NTRK3: variants seen among roughly 807,000 people sequenced by gnomAD.
NTRK3 encodes the protein NT-3 growth factor receptor.
In NTRK3, 24 loss-of-function variants were observed where a neutral mutation model predicts 91.7. That is an observed-to-expected ratio of 0.26 (90% CI 0.19 to 0.37). NTRK3 has a LOEUF of 0.37. NTRK3 is among the 10% of genes least tolerant of loss of function. The pLI is 1.00. For missense variants in NTRK3, 880 were observed against 1,068.9 expected, an observed-to-expected ratio of 0.82 and a Z score of 2.46; for synonymous variants, 483 against 404.0, an observed-to-expected ratio of 1.20 and a Z score of -2.34.
intron 14 of NTRK3, among the ~76,000 whole-genome samples, chr15:87,974,530 T>C (rs931688757): frequency 1.3e-5 from 2 of 151,610 alleles, no homozygotes; most frequent in Non-Finnish European, 2.9e-5. Flanking sequence ...TCTACCACCT[T>C]CCTATCTGAA....
chr15:87,950,307 C>T (rs959048890), intron 14 of NTRK3, among the ~76,000 whole-genome samples: 1 of 152,202 alleles, frequency 6.6e-6, no homozygotes. Context: ...ACCAGAGGAT[C>T]CCAGTCACCC....
rs188726584 is a variant in NTRK3, at chr15:88,152,385, T to C, written c.396-4982A>G. On this transcript the variant is annotated intron_variant, in intron 5 of 18. Coordinates refer to ENST00000394480, the Ensembl canonical transcript of NTRK3. ...GGAGATGGGATTTTTAAAGACCTAA[T>C]TAAAGTTAAGTAAGGACATATGGGT... Among the ~76,000 whole-genome samples the C allele has an allele frequency of 2.8e-3, 431 of 152,290 alleles. 1 individual carries two copies. The highest frequency in any genetic ancestry group is 9.8e-3 in the African/African-American group (408 of 41,536).
intron 10 of NTRK3, among the ~76,000 whole-genome samples, chr15:88,130,901 TAAC>T (rs74787503): frequency 0.07 from 10,586 of 152,280 alleles, 459 homozygotes; most frequent in Admixed American, 0.1. Flanking sequence ...GGACCAATGT[TAAC>T]AACCTGGTTT....
intron 17 of NTRK3, among the ~76,000 whole-genome samples, chr15:87,897,424 T>G (rs1459452672): frequency 6.6e-6 from 1 of 152,216 alleles, no homozygotes; most frequent in African/African-American, 2.4e-5. Flanking sequence ...AATTTGGCCC[T>G]TATTTCCTTT....
intron 6 of NTRK3, among the ~76,000 whole-genome samples, chr15:88,142,886 T>C (rs2042523986): frequency 6.6e-6 from 1 of 152,116 alleles, no homozygotes; most frequent in South Asian, 2.1e-4. Context: ...TCACTCTCGA[T>C]TTCAGGTGGG....
intron 5 of NTRK3, among the ~76,000 whole-genome samples, chr15:88,165,856 A>AGT (rs61276149): frequency 0.032 from 4,781 of 150,540 alleles, 228 homozygotes; most frequent in African/African-American, 0.11. Flanking sequence ...TGTTCACCTG[A>AGT]GTGTGTGTGT....
At chr15:88,166,179 T>C (rs2044923240) in intron 5 of NTRK3, among the ~76,000 whole-genome samples, 1 of 152,158 alleles carries the variant, frequency 6.6e-6, no homozygotes, top group African/African-American at 2.4e-5. Flanking sequence ...CAGGATCCTT[T>C]GGAATCCTAC....
Position 88,012,553 on chromosome 15 carries a change from C to A in NTRK3, c.1585+20304G>T, listed in dbSNP as rs577338525. The stretch of plus-strand genomic sequence containing the variant: ...ATATCACTGTCACAAAAAAGTATTT[C>A]TATATGTTCATACCAAAACAACCAC... On this transcript the variant is annotated intron_variant, in intron 14 of 18. Transcript: ENST00000394480. Among the ~76,000 whole-genome samples, 63 of 152,328 alleles carry A rather than the reference C, an allele frequency of 4.1e-4. No individual in the cohort carries two copies. The South Asian group carries it at 0.013, about 31-fold the overall frequency.
At chr15:88,033,217 A>ATATATATATATATAT (rs2078753442) in intron 13 of NTRK3, among the ~76,000 whole-genome samples, 172 bp from the exon 14 acceptor site, 8 of 49,684 alleles carry the variant, frequency 1.6e-4, no homozygotes, top group African/African-American at 7.0e-4. Context: ...TATATATATA[A>ATATATATATATATAT]ATTCAGTTGT....
chr15:88,000,553 T>C (rs949743922), intron 14 of NTRK3, among the ~76,000 whole-genome samples: 3 of 152,168 alleles, frequency 2.0e-5, no homozygotes, highest in Non-Finnish European at 2.9e-5. Context: ...ACTAATCTAC[T>C]TGCTGGTATT....
rs1293877876 is a variant in NTRK3 at position 88,098,678 on chromosome 15, A to T, written c.1396+27593T>A. On this transcript the variant is annotated intron_variant, in intron 13 of 18. Transcript: ENST00000394480. ...ATTAACAATCTGGAAGAAGATGTAA[A>T]CAGAACATTAATTCACAAGGAATAA... 3 of 231,890 alleles carry T rather than the reference A, an allele frequency of 1.3e-5. No individual in the cohort carries two copies. The East Asian group carries it at 1.8e-4, about 14-fold the overall frequency. 14.4% of individuals were successfully genotyped at this position (231,890 alleles called of 1,614,324 possible).
At chr15:88,023,615 C>G (rs1321725854) in intron 14 of NTRK3, among the ~76,000 whole-genome samples, 1 of 152,128 alleles carries the variant, frequency 6.6e-6, no homozygotes, top group Non-Finnish European at 1.5e-5. Context: ...AAAGAGGGGA[C>G]CCATCAGAAT....
At chr15:88,232,852 G>C (rs937008276) in intron 3 of NTRK3, among the ~76,000 whole-genome samples, 1 of 152,114 alleles carries the variant, frequency 6.6e-6, no homozygotes, top group Non-Finnish European at 1.5e-5. Flanking sequence ...CAACCCTAAA[G>C]AGTTTTGTGG....
At chr15:88,048,440 T>C (rs2080459761) in intron 13 of NTRK3, among the ~76,000 whole-genome samples, 1 of 152,196 alleles carries the variant, frequency 6.6e-6, no homozygotes, top group Non-Finnish European at 1.5e-5. Context: ...CTGACAAGAC[T>C]ATCTTTGAGC....
chr15:88,177,750 AGGACT>A (rs1332754185), intron 5 of NTRK3, among the ~76,000 whole-genome samples: 1 of 152,232 alleles, frequency 6.6e-6, no homozygotes, highest in African/African-American at 2.4e-5. Flanking sequence ...GTTGGTTCTA[AGGACT>A]CTTCCAGCTT....
intron 17 of NTRK3, among the ~76,000 whole-genome samples, chr15:87,892,703 G>T (rs1217395687): frequency 6.6e-6 from 1 of 152,090 alleles, no homozygotes; most frequent in African/African-American, 2.4e-5. Flanking sequence ...AGAAATGTAT[G>T]ATCATTGGCC....
At chr15:87,884,665 G>C (rs148807572) in intron 17 of NTRK3, among the ~76,000 whole-genome samples, 3 of 151,664 alleles carry the variant, frequency 2.0e-5, no homozygotes, top group Admixed American at 2.0e-4. Context: ...GCTCAATAAG[G>C]TTTACCCTAG....
At chr15:88,139,923 AG>A (rs371636058) in intron 6 of NTRK3, among the ~76,000 whole-genome samples, 160 of 3,452 alleles carry the variant, frequency 0.046, 1 homozygote, top group African/African-American at 0.13. Flanking sequence ...TTGGGGTGGG[AG>A]GGGGGGAGTG....
At chr15:87,989,720 C>T (rs943054233) in intron 14 of NTRK3, among the ~76,000 whole-genome samples, 1 of 151,842 alleles carries the variant, frequency 6.6e-6, no homozygotes, top group African/African-American at 2.4e-5. Flanking sequence ...GATTCTCATG[C>T]CTCAGCCACT....
Sources: gnomAD v4.1 joint callset for allele counts (sites outside exome capture counted in the v4.1 genomes callset) on GRCh38, gnomAD v4.1.1 for gene constraint, MANE v1.5 for transcripts, NCBI Gene and HGNC (gene_info 2026-07-23, HGNC 2026-07-21) for gene names.